HLA-DPA1: variants seen among roughly 807,000 people sequenced by gnomAD.
The protein encoded by HLA-DPA1 is major histocompatibility complex, class II, DP alpha 1.
A neutral mutation model predicts 21.5 loss-of-function variants in HLA-DPA1; 20 were observed. The ratio of observed to expected loss-of-function variants is 0.93; its 90% CI spans 0.66 to 1.35. The LOEUF is 1.35. Ranked by LOEUF, HLA-DPA1 falls within the 40% of genes most tolerant of loss-of-function variation. The pLI is 0.00. For synonymous variants in HLA-DPA1, 123 were observed against 129.6 expected, an observed-to-expected ratio of 0.95 and a Z score of 0.35; for missense variants, 279 against 323.0, an observed-to-expected ratio of 0.86 and a Z score of 1.05.
chr6:33,068,628 A>T lies in HLA-DPA1; in HGVS notation c.*12+10T>A. On this transcript the variant is annotated intron_variant, in intron 5 of 5. Coordinates refer to ENST00000419277, the Ensembl canonical transcript of HLA-DPA1. ...CTACAAATCCTAGGGCCTCCTCTTT[A>T]CATTCCCACCTTTACAGTATTTCAC... The T allele has an allele frequency of 6.3e-7, 1 of 1,586,090 alleles. No individual in the cohort carries two copies. The highest frequency in any genetic ancestry group is 8.6e-7 in the Non-Finnish European group (1 of 1,167,710).
chr6:33,068,339 T>C, intron 5 of HLA-DPA1: 1 of 266,376 alleles, frequency 3.8e-6, no homozygotes, highest in Non-Finnish European at 7.0e-6. Flanking sequence ...TGTGGGAACT[T>C]GATCAAAGTG....
At position 33,080,139 on chromosome 6, in the gene HLA-DPA1, C is replaced by A; in HGVS notation, c.-100+541G>T. Among the ~76,000 whole-genome samples, 1 of 152,128 alleles carries A rather than the reference C, an allele frequency of 6.6e-6. No homozygotes were observed. The highest frequency in any genetic ancestry group is 1.9e-4 in the East Asian group (1 of 5,196). ...TCTCCTACATGCAAAACAACAGGAG[C>A]AAGTTGAGGAATTCTCAAGAAACTG... is the stretch of plus-strand genomic sequence containing the variant. On this transcript the variant is annotated intron_variant, in intron 1 of 5. Transcript: ENST00000419277. This position sits in a 1 kb window ranked among gnomAD's most constrained non-coding sequence, Gnocchi z 4.3.
chr6:33,075,842 T>A, intron 1 of HLA-DPA1: 1 of 567,150 alleles, frequency 1.8e-6, no homozygotes. Flanking sequence ...AGACCTTTCA[T>A]ACTAACTTTC....
chr6:33,068,453 A>G (rs1368427764), intron 5 of HLA-DPA1, 185 bp downstream of exon 4: 3 of 527,150 alleles, frequency 5.7e-6, no homozygotes, highest in Non-Finnish European at 1.0e-5. Context: ...AAAGTGAGTT[A>G]ATAAATGTAA....
At chr6:33,075,982 T>C in intron 1 of HLA-DPA1, 1 of 1,283,258 alleles carries the variant, frequency 7.8e-7, no homozygotes, top group South Asian at 1.3e-5. Flanking sequence ...GAGCTCCCTT[T>C]AGCGAGTCCT....
chr6:33,071,066 C>T (rs758851139), intron 2 of HLA-DPA1, among the ~76,000 whole-genome samples: 1 of 150,720 alleles, frequency 6.6e-6, no homozygotes, highest in Admixed American at 6.6e-5. Context: ...GACTCTTCTG[C>T]TCTCACCTCC....
chr6:33,074,106 C>T (rs1762422457), intron 1 of HLA-DPA1, among the ~76,000 whole-genome samples: 1 of 151,946 alleles, frequency 6.6e-6, no homozygotes, highest in Non-Finnish European at 1.5e-5. Flanking sequence ...CCTGAGATAC[C>T]TCCTTTTTAT....
At position 33,073,324 on chromosome 6, in the gene HLA-DPA1, G is replaced by A. The variant is rs1412601585; in HGVS notation, c.100+147C>T. The A allele has an allele frequency of 4.9e-6, 3 of 610,388 alleles. No individual in the cohort carries two copies. In the African/African-American group the frequency reaches 5.5e-5, roughly 11 times the overall value. The allele number at this position is 610,388 out of a possible 1,614,324, so 37.8% of individuals were successfully genotyped here. A position where few individuals can be genotyped will look rare whatever the true frequency, so the allele number is the denominator to read the frequency against. The stretch of plus-strand genomic sequence containing the variant: ...CTCATAAATTCTGGCTGTTATTGCT[G>A]TTATTATTATGAGGGCCAGAGGGAA... On this transcript the variant is annotated intron_variant, in intron 2 of 5. Coordinates refer to ENST00000419277, the Ensembl canonical transcript of HLA-DPA1.
At chr6:33,073,751 G>GT in intron 1 of HLA-DPA1, 102 bp from the exon 1 acceptor site, 1 of 572,730 alleles carries the variant, frequency 1.7e-6, no homozygotes, top group Non-Finnish European at 3.1e-6. Flanking sequence ...CTGTTGCTGG[G>GT]TAAAGAGGAC....
intron 2 of HLA-DPA1, among the ~76,000 whole-genome samples, chr6:33,073,251 T>C (rs1762367903): frequency 6.6e-6 from 1 of 152,242 alleles, no homozygotes; most frequent in South Asian, 2.1e-4. Context: ...ATTATCTTCA[T>C]TGAAGATTCC....
intron 1 of HLA-DPA1, among the ~76,000 whole-genome samples, chr6:33,077,027 G>A (rs1054288184): frequency 6.6e-6 from 1 of 151,204 alleles, no homozygotes; most frequent in East Asian, 1.9e-4. Context: ...CCATTAACTC[G>A]TCATTTACAT....
chr6:33,078,060 C>T (rs1337116894), intron 1 of HLA-DPA1, among the ~76,000 whole-genome samples: 1 of 151,984 alleles, frequency 6.6e-6, no homozygotes, highest in Non-Finnish European at 1.5e-5. Flanking sequence ...ACGGATGCAG[C>T]GCCCCCATCC....
chr6:33,071,544 C>CA (rs1285180056), intron 2 of HLA-DPA1, among the ~76,000 whole-genome samples: 1 of 152,124 alleles, frequency 6.6e-6, no homozygotes, highest in African/African-American at 2.4e-5. Context: ...TCCATTCAGA[C>CA]AAAAATATGT....
At chr6:33,065,200 G>A (rs917465260) in exon 6 of HLA-DPA1, 1 of 152,204 alleles carries the variant, frequency 6.6e-6, no homozygotes, top group South Asian at 2.1e-4. Flanking sequence ...TGAGGTAATG[G>A]ATAAGGACAG....
intron 3 of HLA-DPA1, 32 bp from the exon 3 acceptor site, chr6:33,069,332 C>T (rs774804146): frequency 1.3e-6 from 2 of 1,589,240 alleles, no homozygotes; most frequent in South Asian, 2.3e-5. Flanking sequence ...TTAGGCCCCT[C>T]TTCTGGGATG....
chr6:33,077,371 A>C (rs757152216), intron 1 of HLA-DPA1, among the ~76,000 whole-genome samples: 1 of 152,080 alleles, frequency 6.6e-6, no homozygotes. Context: ...TAGTGCCGCA[A>C]TAAACATATG....
chr6:33,068,920 G>A, intron 4 of HLA-DPA1, 99 bp downstream of exon 3: 1 of 1,535,496 alleles, frequency 6.5e-7, no homozygotes, highest in Non-Finnish European at 8.9e-7. Context: ...GACGAGGAGA[G>A]GACTGAGACC....
intron 2 of HLA-DPA1, among the ~76,000 whole-genome samples, chr6:33,070,495 G>GA (rs990195153): frequency 9.9e-5 from 15 of 151,984 alleles, no homozygotes; most frequent in Non-Finnish European, 1.8e-4. Context: ...AGAAAAGGTA[G>GA]AAAAAAATAC....
chr6:33,080,736 GA>G, upstream of HLA-DPA1: 1 of 1,610,810 alleles, frequency 6.2e-7, no homozygotes, highest in Non-Finnish European at 8.5e-7. The surrounding 1 kb of genome is among the most constrained non-coding windows in gnomAD (Gnocchi z 4.3). Flanking sequence ...GCTTCCTGGA[GA>G]GATACATCTA....
Sources: gnomAD v4.1 joint callset for allele counts (sites outside exome capture counted in the v4.1 genomes callset) on GRCh38, gnomAD v4.1.1 for gene constraint, Gnocchi (gnomAD v3.1) non-coding constraint, MANE v1.5 for transcripts, NCBI Gene and HGNC (gene_info 2026-07-23, HGNC 2026-07-21) for gene names.